BRINP1: variants seen among roughly 807,000 people sequenced by gnomAD.
BRINP1 encodes BMP/retinoic acid-inducible neural-specific protein 1.
BRINP1 carries 17 observed loss-of-function variants against 72.9 expected under a neutral mutation model. The observed-to-expected ratio is 0.23, with a 90% CI of 0.16 to 0.35. The LOEUF is 0.35. Among genes scored for constraint, BRINP1 ranks in the 10% least tolerant of loss-of-function variants. The pLI, the probability that BRINP1 is intolerant of heterozygous loss-of-function variation, is 1.00. For missense variants in BRINP1, 850 were observed against 1,001.6 expected (o/e 0.85, Z 2.04); for synonymous variants, 418 against 378.5 (o/e 1.10, Z -1.21).
At chr9:119,183,202 A>C (rs886210454) in intron 7 of BRINP1, among the ~76,000 whole-genome samples, 12 of 152,166 alleles carry the variant, frequency 7.9e-5, no homozygotes, top group Middle Eastern at 3.2e-3. Context: ...GCATATATAA[A>C]GACATGTATA....
chr9:119,173,785 A>AAAAC (rs1171689895), intron 7 of BRINP1, among the ~76,000 whole-genome samples: 2 of 146,360 alleles, frequency 1.4e-5, no homozygotes, highest in Admixed American at 6.7e-5. Flanking sequence ...TACTGGTACC[A>AAAAC]AAACAGAGAT....
chr9:119,175,135 CAAAAAA>C (rs112641044), intron 7 of BRINP1, among the ~76,000 whole-genome samples: 14 of 106,712 alleles, frequency 1.3e-4, no homozygotes, highest in African/African-American at 4.7e-4. Flanking sequence ...AAAAAAAAGA[CAAAAAA>C]AAAAAGAAAA....
chr9:119,299,727 T>G (rs955031878), intron 2 of BRINP1, among the ~76,000 whole-genome samples: 27 of 152,336 alleles, frequency 1.8e-4, no homozygotes, highest in Non-Finnish European at 3.8e-4. Context: ...ATGACAAGAT[T>G]TCCTTCTTTT....
At chr9:119,239,042 C>T (rs930961814) in intron 4 of BRINP1, among the ~76,000 whole-genome samples, 1 of 152,156 alleles carries the variant, frequency 6.6e-6, no homozygotes, top group Non-Finnish European at 1.5e-5. Flanking sequence ...GAAGTTGACA[C>T]ATTATATTTC....
At chr9:119,294,405 T>C (rs1485940488) in intron 2 of BRINP1, among the ~76,000 whole-genome samples, 3 of 152,098 alleles carry the variant, frequency 2.0e-5, no homozygotes. Context: ...CATATGCCTA[T>C]AATCCCAGCT....
intron 1 of BRINP1, among the ~76,000 whole-genome samples, chr9:119,318,851 GTGT>G (rs1564247117): frequency 1.9e-5 from 2 of 104,268 alleles, no homozygotes; most frequent in African/African-American, 2.7e-5. Flanking sequence ...TGGGGTGTGT[GTGT>G]GTGTGTGTGT....
intron 1 of BRINP1, among the ~76,000 whole-genome samples, chr9:119,338,122 A>G (rs1831366288): frequency 6.6e-6 from 1 of 152,134 alleles, no homozygotes; most frequent in African/African-American, 2.4e-5. Context: ...AGGAGTGTTG[A>G]GTTGCAGGAG....
intron 7 of BRINP1, among the ~76,000 whole-genome samples, chr9:119,192,140 C>CA (rs1424294121): frequency 6.6e-6 from 1 of 151,718 alleles, no homozygotes. Flanking sequence ...ATCTGAAACC[C>CA]AAAAAACTCC....
At chr9:119,332,782 T>C (rs1831312414) in intron 1 of BRINP1, among the ~76,000 whole-genome samples, 1 of 152,114 alleles carries the variant, frequency 6.6e-6, no homozygotes, top group African/African-American at 2.4e-5. Flanking sequence ...TCAGTGAGCC[T>C]GGGTTAGGTC....
chr9:119,168,718 A>G (rs1052905461), intron 7 of BRINP1, among the ~76,000 whole-genome samples: 6 of 120,726 alleles, frequency 5.0e-5, no homozygotes, highest in African/African-American at 1.5e-4. Context: ...CAACTTCAAC[A>G]AAAACAAATT....
At chr9:119,208,216 C>T (rs1829879759) in intron 7 of BRINP1, among the ~76,000 whole-genome samples, 1 of 152,106 alleles carries the variant, frequency 6.6e-6, no homozygotes, top group African/African-American at 2.4e-5. Context: ...ACCCTGCACT[C>T]AATGACCCCG....
intron 1 of BRINP1, among the ~76,000 whole-genome samples, chr9:119,315,612 C>A (rs1484386753): frequency 4.6e-5 from 7 of 152,106 alleles, no homozygotes; most frequent in Non-Finnish European, 8.8e-5. Context: ...CTACATCTCT[C>A]ACTTTAAATC....
intron 7 of BRINP1, among the ~76,000 whole-genome samples, chr9:119,174,358 A>T (rs569756922): frequency 1.3e-5 from 2 of 149,476 alleles, no homozygotes; most frequent in Non-Finnish European, 3.0e-5. Flanking sequence ...CAAAAAACAC[A>T]TGAAAAAATG....
At chr9:119,199,335 A>G (rs1328525382) in intron 7 of BRINP1, among the ~76,000 whole-genome samples, 1 of 152,194 alleles carries the variant, frequency 6.6e-6, no homozygotes, top group Non-Finnish European at 1.5e-5. Context: ...GGGTCATCAG[A>G]ATAGAGATAA....
At chr9:119,174,903 T>C (rs1829462816) in intron 7 of BRINP1, among the ~76,000 whole-genome samples, 1 of 138,952 alleles carries the variant, frequency 7.2e-6, no homozygotes, top group Non-Finnish European at 1.5e-5. Context: ...CACTCATAGG[T>C]GGGAATTGAA....
At chr9:119,256,461 A>G (rs1588179975) in intron 2 of BRINP1, among the ~76,000 whole-genome samples, 3 of 152,330 alleles carry the variant, frequency 2.0e-5, no homozygotes, top group Non-Finnish European at 4.4e-5. Flanking sequence ...GCAATAGTTT[A>G]TAAACTCCAT....
At chr9:119,241,910 A>G (rs1397580455) in intron 4 of BRINP1, 137 bp downstream of exon 4, 1 of 874,608 alleles carries the variant, frequency 1.1e-6, no homozygotes, top group Non-Finnish European at 1.8e-6. Context: ...ATATCAGTCA[A>G]AGCAGCTGGC....
At chr9:119,306,140 T>C (rs1478848263) in intron 2 of BRINP1, among the ~76,000 whole-genome samples, 1 of 152,206 alleles carries the variant, frequency 6.6e-6, no homozygotes, top group East Asian at 1.9e-4. Context: ...TGACAAAAGC[T>C]GGACAATTGT....
chr9:119,194,680 C>T (rs1303558127), intron 7 of BRINP1, among the ~76,000 whole-genome samples: 1 of 152,146 alleles, frequency 6.6e-6, no homozygotes, highest in African/African-American at 2.4e-5. Flanking sequence ...ACATAGAATC[C>T]CTAGCAACAA....
Sources: allele counts gnomAD v4.1 joint callset (sites outside exome capture counted in the v4.1 genomes callset), GRCh38; gene constraint gnomAD v4.1.1; transcripts MANE v1.5; gene names NCBI Gene and HGNC (gene_info 2026-07-23, HGNC 2026-07-21).